Variants in SLC4A3 observed in about 807,000 individuals in gnomAD.
The protein encoded by SLC4A3 is solute carrier family 4 member 3, also known as anion exchange protein 3.
SLC4A3 carries 47 observed loss-of-function variants against 114.2 expected under a neutral mutation model. The ratio of observed to expected loss-of-function variants is 0.41; its 90% CI spans 0.33 to 0.52. SLC4A3 has a LOEUF of 0.52. Among genes scored for constraint, SLC4A3 ranks in the 20% least tolerant of loss-of-function variants. SLC4A3 has a pLI of 0.21. For synonymous variants in SLC4A3, 693 were observed against 710.3 expected (o/e 0.98, Z 0.39); for missense variants, 1,312 against 1,668.3 (o/e 0.79, Z 3.72).
chr2:219,637,911 C>T lies in SLC4A3; in HGVS notation c.2766+100C>T. On this transcript the variant is annotated intron_variant, in intron 17 of 22. Transcript: ENST00000358055. The surrounding 1 kb of genome is among the most constrained non-coding windows in gnomAD (Gnocchi z 4.6). ...CCCCTTCCCCGGTCAGCCCATGGAC[C>T]AAAACCCAGCTCGGGCAGCCCCTCA... 1 of 970,670 alleles carries T rather than the reference C, an allele frequency of 1.0e-6. No homozygotes were observed. Among genetic ancestry groups the T allele is most frequent in the Non-Finnish European group, 1.6e-6 (1 of 621,810 alleles). The allele number at this position is 970,670 out of a possible 1,614,324, so 60.1% of individuals were successfully genotyped here.
At position 219,638,803 on chromosome 2, in the gene SLC4A3, T is replaced by C; in HGVS notation, c.2957T>C (p.Met986Thr). 1 of 1,614,192 alleles carries C rather than the reference T, an allele frequency of 6.2e-7. No individual in the cohort carries two copies. The highest frequency in any genetic ancestry group is 8.5e-7 in the Non-Finnish European group (1 of 1,180,034). Reference sequence around the variant, plus strand: ...GCCCGTCCTTTCCCGCCGTGGATGATGGTGGCAGCCGCTGTTCCCGCCCTC... The same window carrying C: ...GCCCGTCCTTTCCCGCCGTGGATGACGGTGGCAGCCGCTGTTCCCGCCCTC... ...GSARPFPPWM[M>T]VAAAVPALLV... Residue 986 changes from methionine to threonine, a missense_variant, in exon 19 of 23, where the codon ATG becomes ACG. Met to Thr is a moderately conservative substitution (Grantham distance 81). Transcript: ENST00000358055. The surrounding 1 kb of genome is among the most constrained non-coding windows in gnomAD (Gnocchi z 7.5).
In SLC4A3 at chr2:219,640,525, A is replaced by G; in HGVS notation, c.3373A>G (p.Ile1125Val). ...CATGGGGGTCACGTCCCTGTCTGGTATCCAGCTGTCCCAGCGTTTGTTGCT... is the reference window on the plus strand; with the variant it reads ...CATGGGGGTCACGTCCCTGTCTGGTGTCCAGCTGTCCCAGCGTTTGTTGCT... ...LYMGVTSLSG[I>V]QLSQRLLLIL... Residue 1125 changes from isoleucine to valine, a missense_variant, in exon 21 of 23, where the codon ATC becomes GTC. Ile to Val is a conservative substitution (Grantham distance 29). Transcript: ENST00000358055. The G allele has an allele frequency of 6.2e-7, 1 of 1,614,072 alleles. No individual in the cohort carries two copies. The highest frequency in any genetic ancestry group is 8.5e-7 in the Non-Finnish European group (1 of 1,180,006).
rs1256375912 is a variant in SLC4A3 at position 219,635,397 on chromosome 2, G to A, written c.1873G>A (p.Val625Met). Residue 625 changes from valine to methionine, a missense_variant, in exon 13 of 23, where the codon GTG becomes ATG. By Grantham distance (21) the Val-to-Met change is conservative (BLOSUM62 1). Around this residue, in one of 4 missense-constraint regions of SLC4A3, gnomAD observed 771 missense variants for 977.7 expected, o/e 0.79. Coordinates refer to ENST00000358055, the MANE Select transcript of SLC4A3 (RefSeq NM_005070.4). Reference sequence around the variant, plus strand: ...GGAGGGCCGTGACCTGCTGCGCTCCGTGGCTGCTTTCCAGCGAGAGCTGCT... The same window carrying A: ...GGAGGGCCGTGACCTGCTGCGCTCCATGGCTGCTTTCCAGCGAGAGCTGCT... ...EVEGRDLLRSVAAFQRELLRK... is the reference protein window; with the variant it reads ...EVEGRDLLRSMAAFQRELLRK... The A allele has an allele frequency of 2.5e-6, 4 of 1,614,160 alleles. No homozygotes were observed. Among genetic ancestry groups the A allele is most frequent in the Non-Finnish European group, 3.4e-6 (4 of 1,180,026 alleles).
In SLC4A3 at chr2:219,637,496, CCTCT is replaced by C. The variant is rs1699166271; in HGVS notation, c.2536-79_2536-76del. ...GTCTGACCAGGTATTGAGGGGCCAC[CCTCT>C]CTCTCACAGGTGTACTGATGACGAT... is the stretch of plus-strand genomic sequence containing the variant. On this transcript the variant is annotated intron_variant, in intron 16 of 22. Coordinates refer to ENST00000358055, the MANE Select transcript of SLC4A3 (RefSeq NM_005070.4). The surrounding 1 kb of genome is among the most constrained non-coding windows in gnomAD (Gnocchi z 4.6). 5 of 737,454 alleles carry C rather than the reference CCTCT, an allele frequency of 6.8e-6. No homozygotes were observed. Among genetic ancestry groups the C allele is most frequent in the Non-Finnish European group, 9.3e-6 (4 of 430,180 alleles). The allele number at this position is 737,454 out of a possible 1,614,324, so 45.7% of individuals were successfully genotyped here.
At position 219,635,821 on chromosome 2, in the gene SLC4A3, G is replaced by C; in HGVS notation, c.2121G>C (p.Gln707His). The change falls in exon 14 of 23, where the codon CAG becomes CAC. Residue 707 changes from glutamine (Q) to histidine (H), a missense_variant. By Grantham distance (24) the Gln-to-His change is conservative. Transcript: ENST00000358055. ...PSDLRDALHS[Q>H]CVAAVLFIYF... ...ACCTGCGAGATGCGCTGCACTCCCA[G>C]TGTGTGGCCGCTGTGCTCTTCATCT... is the stretch of plus-strand genomic sequence containing the variant. 6.3e-7 allele frequency: 1 copy of C among 1,589,410 alleles called. No homozygotes were observed. The highest frequency in any genetic ancestry group is 2.2e-5 in the East Asian group (1 of 44,556).
At position 219,629,628 on chromosome 2, in the gene SLC4A3, G is replaced by A. The variant is rs748943813; in HGVS notation, c.544G>A (p.Ala182Thr). 2.5e-6 allele frequency: 4 copies of A among 1,613,254 alleles called. No individual in the cohort carries two copies. The highest frequency in any genetic ancestry group is 1.1e-5 in the South Asian group (1 of 91,074). The change falls in exon 5 of 23, where the codon GCT (alanine) becomes ACT (threonine). Residue 182 changes from alanine to threonine, a missense_variant. Physicochemically the swap from Ala to Thr is moderately conservative, Grantham distance 58. This residue lies in a region of SLC4A3 where 771 missense variants were observed against 977.7 expected (regional missense o/e 0.79). Transcript: ENST00000358055. Reference sequence around the variant, plus strand: ...TGACAGTCCAGGCCTCCCTGGGAGGGCTGCTGTCACCAAGCCCCTGCCCTC... The same window carrying A: ...TGACAGTCCAGGCCTCCCTGGGAGGACTGCTGTCACCAAGCCCCTGCCCTC... ...EDDSPGLPGR[A>T]AVTKPLPSVG...
At chr2:219,634,003 G>A in intron 11 of SLC4A3, 24 bp downstream of exon 11, 6 of 1,526,792 alleles carry the variant, frequency 3.9e-6, no homozygotes, top group Non-Finnish European at 5.3e-6. Flanking sequence ...GGCGCCGGGG[G>A]CAGGGTCTGC....
In SLC4A3 at chr2:219,640,425, T is replaced by C; in HGVS notation, c.3278-5T>C. 1.2e-6 allele frequency: 2 copies of C among 1,611,400 alleles called. No individual in the cohort carries two copies. The highest frequency in any genetic ancestry group is 1.7e-6 in the Non-Finnish European group (2 of 1,178,376). ...GGTCAGGCGGGTCTGTGTCACCTCC[T>C]CCAGGCCTGTCCATCGTCATGGGGG... On this transcript the variant is annotated splice_polypyrimidine_tract_variant and splice_region_variant and intron_variant, in intron 20 of 22. Coordinates refer to ENST00000358055, the MANE Select transcript of SLC4A3 (RefSeq NM_005070.4).
In SLC4A3 at chr2:219,632,965, G is replaced by T. The variant is rs769650106; in HGVS notation, c.1233G>T (p.Pro411=). 1 of 1,613,968 alleles carries T rather than the reference G, an allele frequency of 6.2e-7. No homozygotes were observed. Among genetic ancestry groups the T allele is most frequent in the Non-Finnish European group, 8.5e-7 (1 of 1,180,042 alleles). Residue 411 remains proline (P), a synonymous_variant, in exon 9 of 23, where the codon CCG becomes CCT. Coordinates refer to ENST00000358055, the MANE Select transcript of SLC4A3 (RefSeq NM_005070.4). ...TGATTGTGTCTGACCAGATCCGGCC[G>T]GAGGACAGGGCCAGCGTCCTACGTA... ...ETMIVSDQIR[P]EDRASVLRTL...
intron 14 of SLC4A3, 103 bp downstream of exon 14, chr2:219,635,994 C>A: frequency 1.1e-6 from 1 of 933,458 alleles, no homozygotes; most frequent in Non-Finnish European, 1.6e-6. Flanking sequence ...ATTAGGGGGC[C>A]AATGGTTAGA....
At position 219,634,515 on chromosome 2, in the gene SLC4A3, C is replaced by T. The variant is rs1448057151; in HGVS notation, c.1657C>T (p.Arg553Cys). The T allele has an allele frequency of 3.7e-6, 6 of 1,614,192 alleles. No individual in the cohort carries two copies. The highest frequency in any genetic ancestry group is 1.7e-5 in the Admixed American group (1 of 60,030). The change falls in exon 12 of 23, where the codon CGC becomes TGC. Residue 553 changes from arginine (R) to cysteine (C), a missense_variant. Arg to Cys is a radical substitution (Grantham distance 180). Transcript: ENST00000358055. Reference sequence around the variant, plus strand: ...TGTGCTTGAGGTCCCTGTCCCGGTCCGCTTCCTCTTCGTGATGCTGGGGCC... The same window carrying T: ...TGTGCTTGAGGTCCCTGTCCCGGTCTGCTTCCTCTTCGTGATGCTGGGGCC... The part of the protein sequence containing the change: ...ESVLEVPVPV[R>C]FLFVMLGPSH...
Position 219,637,578 on chromosome 2 carries a change from C to A in SLC4A3, c.2536-3C>A. On this transcript the variant is annotated splice_polypyrimidine_tract_variant and splice_region_variant and intron_variant, in intron 16 of 22. Transcript: ENST00000358055. This position sits in a 1 kb window ranked among gnomAD's most constrained non-coding sequence, Gnocchi z 4.6. ...ACAAGGCATCCTTGTTATCCACACA[C>A]AGGTGTTCACAGAGCACCCACTGCT... 6.6e-7 allele frequency: 1 copy of A among 1,521,302 alleles called. No individual in the cohort carries two copies. The highest frequency in any genetic ancestry group is 1.2e-5 in the South Asian group (1 of 85,722). The allele number at this position is 1,521,302 out of a possible 1,614,324, so 94.2% of individuals were successfully genotyped here.
In SLC4A3 at chr2:219,629,587, T is replaced by A. The variant is rs777947255; in HGVS notation, c.503T>A (p.Ile168Asn). The A allele has an allele frequency of 6.2e-7, 1 of 1,611,338 alleles. No homozygotes were observed. Among genetic ancestry groups the A allele is most frequent in the Admixed American group, 1.7e-5 (1 of 60,002 alleles). The change falls in exon 5 of 23, where the codon ATT (isoleucine) becomes AAT (asparagine). Residue 168 changes from isoleucine (I) to asparagine (N), a missense_variant. By Grantham distance (149) the Ile-to-Asn change is moderately radical. Coordinates refer to ENST00000358055, the MANE Select transcript of SLC4A3 (RefSeq NM_005070.4). ...CACATTCTATGTCTGCAGTTCTCCA[T>A]TGGAAGTGACGAGGATGACAGTCCA... ...SGTPQKAKFS[I>N]GSDEDDSPGL... is the part of the protein sequence containing the mutation.
chr2:219,632,407 G>A lies in SLC4A3; in HGVS notation c.1106G>A (p.Arg369His), dbSNP rs998353436. The A allele has an allele frequency of 6.2e-6, 10 of 1,608,236 alleles. No individual in the cohort carries two copies. Among genetic ancestry groups the A allele is most frequent in the African/African-American group, 5.3e-5 (4 of 74,912 alleles). ...GKPHVASLSF[R>H]SLLELRRTIA... is the part of the protein sequence containing the mutation. ...CCCCATGTTGCCTCGCTCTCCTTCC[G>A]TAGCCTTCTGGAGCTCAGGAGGACC... The change falls in exon 8 of 23, where the codon CGT (arginine) becomes CAT (histidine). Residue 369 changes from arginine (R) to histidine (H), a missense_variant. Arg to His is a conservative substitution (Grantham distance 29). Around this residue, in one of 4 missense-constraint regions of SLC4A3, gnomAD observed 771 missense variants for 977.7 expected, o/e 0.79. Transcript: ENST00000358055.
chr2:219,628,016 G>A lies in SLC4A3; in HGVS notation c.24G>A (p.Pro8=). 6.3e-7 allele frequency: 1 copy of A among 1,588,330 alleles called. No homozygotes were observed. Among genetic ancestry groups the A allele is most frequent in the Non-Finnish European group, 8.5e-7 (1 of 1,169,790 alleles). Residue 8 remains proline, a synonymous_variant, in exon 2 of 23, where the codon CCG becomes CCA. Coordinates refer to ENST00000358055, the MANE Select transcript of SLC4A3 (RefSeq NM_005070.4). The surrounding 1 kb of genome is among the most constrained non-coding windows in gnomAD (Gnocchi z 4.8). ...CCATGGCCAACGGAGTGATCCCGCC[G>A]CCCGGGGGCGCCTCCCCCCTACCCC... MANGVIP[P]PGGASPLPQV...
chr2:219,630,343 G>T lies in SLC4A3; in HGVS notation c.802G>T (p.Asp268Tyr). ...GATGCTGGGTTCTGCAGACCTGGAC[G>T]ACATGAAGAGTGAGTGAGACCTTGT... is the stretch of plus-strand genomic sequence containing the variant. ...AQMLGSADLD[D>Y]MKSHRLEDNP... The change falls in exon 6 of 23, where the codon GAC (aspartate) becomes TAC (tyrosine). Residue 268 changes from aspartate (D) to tyrosine (Y), a missense_variant. Asp to Tyr is a radical substitution (Grantham distance 160). Around this residue, in one of 4 missense-constraint regions of SLC4A3, gnomAD observed 771 missense variants for 977.7 expected, o/e 0.79. Coordinates refer to ENST00000358055, the MANE Select transcript of SLC4A3 (RefSeq NM_005070.4). The surrounding 1 kb of genome is among the most constrained non-coding windows in gnomAD (Gnocchi z 6.9). 4 of 1,600,892 alleles carry T rather than the reference G, an allele frequency of 2.5e-6. No individual in the cohort carries two copies. The highest frequency in any genetic ancestry group is 3.4e-6 in the Non-Finnish European group (4 of 1,173,590).
Position 219,636,626 on chromosome 2 carries a change from T to C in SLC4A3, c.2341-54T>C, listed in dbSNP as rs1000022130. 6.5e-6 allele frequency: 10 copies of C among 1,537,040 alleles called. No homozygotes were observed. In the East Asian group the frequency reaches 9.0e-5, roughly 14 times the overall value. On this transcript the variant is annotated intron_variant, in intron 15 of 22. Coordinates refer to ENST00000358055, the MANE Select transcript of SLC4A3 (RefSeq NM_005070.4). This position sits in a 1 kb window ranked among gnomAD's most constrained non-coding sequence, Gnocchi z 5.5. Reference sequence around the variant, plus strand: ...CATCCGCTGCCTATTCCAGGGGGCATTGACACCCAGGGCAGTCCACCTGTG... The same window carrying C: ...CATCCGCTGCCTATTCCAGGGGGCACTGACACCCAGGGCAGTCCACCTGTG...
rs567149480 is a variant in SLC4A3 at position 219,633,073 on chromosome 2, C to T, written c.1277+64C>T. 385 of 1,580,984 alleles carry T rather than the reference C, an allele frequency of 2.4e-4. 1 individual carries two copies. In the African/African-American group the frequency reaches 2.6e-3, roughly 11 times the overall value. On this transcript the variant is annotated intron_variant, in intron 9 of 22. Transcript: ENST00000358055. The stretch of plus-strand genomic sequence containing the variant: ...AGCTGCCCTTCCAGGAGCACATCCT[C>T]TTCCAAGTGGCTCCCAGCCTCTGCT...
At position 219,633,012 on chromosome 2, in the gene SLC4A3, G is replaced by T; in HGVS notation, c.1277+3G>T. 1 of 1,613,886 alleles carries T rather than the reference G, an allele frequency of 6.2e-7. No homozygotes were observed. Among genetic ancestry groups the T allele is most frequent in the Non-Finnish European group, 8.5e-7 (1 of 1,179,926 alleles). On this transcript the variant is annotated splice_donor_region_variant and intron_variant, in intron 9 of 22. Coordinates refer to ENST00000358055, the MANE Select transcript of SLC4A3 (RefSeq NM_005070.4). ...CGTACCCTGCTACTGAAGCACAGGT[G>T]CCGGGGTGGGTCCCTGGGAGGGGCC...
Sources: allele counts gnomAD v4.1 joint callset, GRCh38; gene constraint gnomAD v4.1.1; regional missense constraint gnomAD v4.1.1; non-coding constraint Gnocchi (gnomAD v3.1); transcripts MANE v1.5; gene names NCBI Gene and HGNC (gene_info 2026-07-23, HGNC 2026-07-21).